The following RANBP3L variants were observed in gnomAD, a reference collection of about 807,000 sequenced individuals.
The protein encoded by RANBP3L is RAN binding protein 3 like.
Under a neutral mutation model 67.2 loss-of-function variants are expected in RANBP3L, and 56 were observed. That is an observed-to-expected ratio of 0.83 (90% CI 0.67 to 1.04). The LOEUF (loss-of-function observed/expected upper bound fraction) is 1.04. RANBP3L is among the 50% of genes least tolerant of loss of function. The pLI is 0.00. For synonymous variants in RANBP3L, 164 were observed against 181.4 expected, an observed-to-expected ratio of 0.90 and a Z score of 0.77; for missense variants, 496 against 535.5, an observed-to-expected ratio of 0.93 and a Z score of 0.73.
chr5:36,272,165 T>C (rs978275137), intron 1 of RANBP3L, among the ~76,000 whole-genome samples: 3 of 152,116 alleles, frequency 2.0e-5, no homozygotes, highest in African/African-American at 7.2e-5. Context: ...ACTTACCTCA[T>C]AGAGTTTATG....
At position 36,301,354 on chromosome 5, in the gene RANBP3L, C is replaced by T. The variant is rs1424938044; in HGVS notation, c.63G>A (p.Leu21=). The T allele has an allele frequency of 1.9e-6, 3 of 1,613,660 alleles. No homozygotes were observed. In the Admixed American group the frequency reaches 5.0e-5, roughly 27 times the overall value. ...HLPGSLHTCK[L]KLQEDRRQQE... ...GCTGTCGCCGGTCCTCCTGCAGCTT[C>T]AGTTTACAGGTGTGCAAACTGCCAG... is the stretch of plus-strand genomic sequence containing the variant. The change falls in exon 1 of 14, where the codon CTG becomes CTA. Residue 21 remains leucine (L), a synonymous_variant. Transcript: ENST00000296604.
chr5:36,275,762 C>T (rs574855290), intron 1 of RANBP3L, among the ~76,000 whole-genome samples: 78 of 151,892 alleles, frequency 5.1e-4, no homozygotes, highest in Non-Finnish European at 1.0e-3. Context: ...TAAAGAAATA[C>T]CGTGGTGTGT....
At chr5:36,277,895 G>A (rs1420860964) in intron 1 of RANBP3L, among the ~76,000 whole-genome samples, 1 of 152,146 alleles carries the variant, frequency 6.6e-6, no homozygotes, top group Non-Finnish European at 1.5e-5. Flanking sequence ...AAGGTGAGAA[G>A]CTCATCTTAC....
chr5:36,293,657 A>G (rs1751971862), intron 1 of RANBP3L, among the ~76,000 whole-genome samples: 1 of 141,336 alleles, frequency 7.1e-6, no homozygotes, highest in Non-Finnish European at 1.6e-5. Flanking sequence ...CATTGAGATA[A>G]TCATGTGGTT....
At chr5:36,300,836 T>C (rs2112202922) in intron 1 of RANBP3L, among the ~76,000 whole-genome samples, 1 of 152,320 alleles carries the variant, frequency 6.6e-6, no homozygotes, top group Non-Finnish European at 1.5e-5. Flanking sequence ...TTTCCCTGAC[T>C]GTCTCCAGAT....
intron 4 of RANBP3L, among the ~76,000 whole-genome samples, chr5:36,266,022 C>T (rs16902890): frequency 0.014 from 2,154 of 149,876 alleles, 60 homozygotes; most frequent in African/African-American, 0.05. Flanking sequence ...ATGCGTCCTG[C>T]TACATAGTTC....
chr5:36,289,842 T>G (rs1259422217), intron 1 of RANBP3L, among the ~76,000 whole-genome samples: 1 of 151,812 alleles, frequency 6.6e-6, no homozygotes, highest in Non-Finnish European at 1.5e-5. Context: ...ATAGTTTTAC[T>G]TCTTTATTTC....
chr5:36,283,988 C>CTT (rs547957841), intron 1 of RANBP3L, among the ~76,000 whole-genome samples: 9 of 145,598 alleles, frequency 6.2e-5, no homozygotes, highest in African/African-American at 2.0e-4. Context: ...TCCTCACTTC[C>CTT]TTTTTTTTTT....
intron 1 of RANBP3L, among the ~76,000 whole-genome samples, chr5:36,284,062 C>T (rs2112037722): frequency 6.6e-6 from 1 of 152,146 alleles, no homozygotes; most frequent in African/African-American, 2.4e-5. Context: ...TGGCTCACCA[C>T]AACCTCCACC....
At chr5:36,298,514 C>G (rs1338906596) in intron 1 of RANBP3L, among the ~76,000 whole-genome samples, 5 of 152,006 alleles carry the variant, frequency 3.3e-5, no homozygotes, top group Non-Finnish European at 5.9e-5. Context: ...CTTCCTGGGA[C>G]CTTTGCTGAA....
intron 7 of RANBP3L, among the ~76,000 whole-genome samples, 200 bp downstream of exon 7, chr5:36,261,739 C>T (rs1181230757): frequency 6.6e-6 from 1 of 152,082 alleles, no homozygotes; most frequent in Non-Finnish European, 1.5e-5. Context: ...GAAGACAATC[C>T]AGTATTAATA....
intron 1 of RANBP3L, among the ~76,000 whole-genome samples, chr5:36,299,433 C>T (rs188164851): frequency 6.6e-6 from 1 of 151,566 alleles, no homozygotes; most frequent in East Asian, 1.9e-4. Context: ...GAGAGATCTT[C>T]AGGATAGCCT....
chr5:36,260,524 C>G (rs1412895273), intron 8 of RANBP3L, among the ~76,000 whole-genome samples: 1 of 152,040 alleles, frequency 6.6e-6, no homozygotes, highest in Non-Finnish European at 1.5e-5. Context: ...TAACACAAGT[C>G]AAAGAACTAT....
At position 36,256,164 on chromosome 5, in the gene RANBP3L, C is replaced by G. The variant is rs182341167; in HGVS notation, c.904-574G>C. ...GGTTACCCTACTGCAATCATTACTA[C>G]TGTGTACAAGAATCACCTAGACAGC... is the stretch of plus-strand genomic sequence containing the variant. On this transcript the variant is annotated intron_variant, in intron 10 of 13. Transcript: ENST00000296604. 1.0e-3 allele frequency among the ~76,000 whole-genome samples: 155 copies of G among 152,224 alleles called. 1 individual carries two copies. Among genetic ancestry groups the G allele is most frequent in the African/African-American group, 3.6e-3 (150 of 41,562 alleles).
Position 36,262,005 on chromosome 5 carries a change from A to G in RANBP3L, c.518T>C (p.Leu173Ser), listed in dbSNP as rs1749430474. 6.2e-7 allele frequency: 1 copy of G among 1,605,792 alleles called. No homozygotes were observed. The highest frequency in any genetic ancestry group is 8.5e-7 in the Non-Finnish European group (1 of 1,173,790). ...CTGGACTGAAATTCTAGCCCTTGAT[A>G]AATTTTCACTTAACAAATAGGAATT... ...EGNSYLLSENLSRARISVQLS... is the reference protein window; with the variant it reads ...EGNSYLLSENSSRARISVQLS... Residue 173 changes from leucine (L) to serine (S), a missense_variant, in exon 7 of 14, where the codon TTA becomes TCA. Transcript: ENST00000296604.
rs143793202 is a variant in RANBP3L at position 36,269,452 on chromosome 5, G to A, written c.206C>T (p.Pro69Leu). 4 of 1,543,656 alleles carry A rather than the reference G, an allele frequency of 2.6e-6. No individual in the cohort carries two copies. Among genetic ancestry groups the A allele is most frequent in the African/African-American group, 1.4e-5 (1 of 73,930 alleles). ...AGATGAAGACCGTACACGCTTTGTTGGAAAACCATTACATTCTGCAAGAAA... is the reference window on the plus strand; with the variant it reads ...AGATGAAGACCGTACACGCTTTGTTAGAAAACCATTACATTCTGCAAGAAA... Reference protein sequence around the residue: ...EAAEPECNGFPTKRVRSSSFT... With the variant: ...EAAEPECNGFLTKRVRSSSFT... The change falls in exon 4 of 14, where the codon CCA (proline) becomes CTA (leucine). Residue 69 changes from proline (P) to leucine (L), a missense_variant. Coordinates refer to ENST00000296604, the MANE Select transcript of RANBP3L (RefSeq NM_145000.5).
intron 1 of RANBP3L, among the ~76,000 whole-genome samples, chr5:36,292,219 T>C (rs1219451655): frequency 6.6e-6 from 1 of 152,200 alleles, no homozygotes; most frequent in Admixed American, 6.5e-5. Context: ...TGTCTGTTCA[T>C]GTCCTTCACC....
intron 1 of RANBP3L, among the ~76,000 whole-genome samples, chr5:36,298,683 A>T (rs1752404870): frequency 6.6e-6 from 1 of 152,254 alleles, no homozygotes; most frequent in South Asian, 2.1e-4. Context: ...TCTTGCAGCA[A>T]TCAATGGCCA....
intron 11 of RANBP3L, among the ~76,000 whole-genome samples, chr5:36,254,506 G>T (rs558185392): frequency 2.0e-5 from 3 of 151,982 alleles, no homozygotes; most frequent in South Asian, 2.1e-4. Flanking sequence ...TTCTTTGGGG[G>T]TATTTTTTTT....
Sources: gnomAD v4.1 joint callset for allele counts (sites outside exome capture counted in the v4.1 genomes callset) on GRCh38, gnomAD v4.1.1 for gene constraint, MANE v1.5 for transcripts, NCBI Gene and HGNC (gene_info 2026-07-23, HGNC 2026-07-21) for gene names.